Variants in ANO2 observed in about 807,000 individuals in gnomAD.
The protein encoded by ANO2 is anoctamin-2.
Under a neutral mutation model 124.2 loss-of-function variants are expected in ANO2, and 101 were observed. The observed-to-expected ratio is 0.81, with a 90% confidence interval of 0.69 to 0.96. The LOEUF is 0.96. ANO2 is among the 40% of genes least tolerant of loss of function. ANO2 has a pLI of 0.00. For missense variants in ANO2, 1,293 were observed against 1,274.5 expected, an observed-to-expected ratio of 1.01 and a Z score of -0.22; for synonymous variants, 486 against 482.5, an observed-to-expected ratio of 1.01 and a Z score of -0.09.
chr12:5,623,735 G>A (rs1479656776), intron 16 of ANO2, among the ~76,000 whole-genome samples: 1 of 152,172 alleles, frequency 6.6e-6, no homozygotes, highest in Admixed American at 6.5e-5. Context: ...AATGCATAAC[G>A]ATGGCAGCAA....
intron 1 of ANO2, among the ~76,000 whole-genome samples, chr12:5,937,141 T>C (rs1942682908): frequency 6.6e-6 from 1 of 152,154 alleles, no homozygotes; most frequent in Non-Finnish European, 1.5e-5. Flanking sequence ...CTTCAAACTG[T>C]TTTCCACAAT....
chr12:5,643,087 C>CAA (rs1555114332), intron 15 of ANO2, among the ~76,000 whole-genome samples: 2 of 151,314 alleles, frequency 1.3e-5, no homozygotes, highest in Non-Finnish European at 2.9e-5. Context: ...CACACACACA[C>CAA]AATGAATAAA....
chr12:5,707,669 C>T (rs200147330), intron 14 of ANO2, among the ~76,000 whole-genome samples: 1 of 152,186 alleles, frequency 6.6e-6, no homozygotes, highest in East Asian at 1.9e-4. Context: ...GAACATCAAT[C>T]CAATTCTCCA....
At chr12:5,606,195 T>A (rs74548667) in intron 19 of ANO2, among the ~76,000 whole-genome samples, 2,201 of 152,248 alleles carry the variant, frequency 0.014, 57 homozygotes, top group African/African-American at 0.049. Flanking sequence ...AGTGGTCCTG[T>A]CTGGGGCACC....
intron 4 of ANO2, among the ~76,000 whole-genome samples, chr12:5,839,775 G>T (rs569502112): frequency 6.6e-6 from 1 of 152,172 alleles, no homozygotes; most frequent in East Asian, 1.9e-4. Context: ...TGCCAGGTAG[G>T]ATTAGCATCT....
At chr12:5,637,458 T>C (rs1470065546) in intron 15 of ANO2, among the ~76,000 whole-genome samples, 1 of 151,820 alleles carries the variant, frequency 6.6e-6, no homozygotes, top group African/African-American at 2.4e-5. Context: ...GGGAGGGACA[T>C]GAAGGAAGAC....
At chr12:5,746,465 G>A (rs980166299) in intron 11 of ANO2, among the ~76,000 whole-genome samples, 5 of 152,182 alleles carry the variant, frequency 3.3e-5, no homozygotes, top group Non-Finnish European at 7.3e-5. Flanking sequence ...TTTTGTGAGA[G>A]AGGCTGCCTC....
At chr12:5,884,118 G>T (rs1938713021) in intron 3 of ANO2, among the ~76,000 whole-genome samples, 1 of 152,134 alleles carries the variant, frequency 6.6e-6, no homozygotes, top group Admixed American at 6.5e-5. Context: ...ACATTATATG[G>T]CCCCATTATA....
chr12:5,852,848 C>CGTACGT (rs1555173622), intron 4 of ANO2, among the ~76,000 whole-genome samples: 1 of 123,880 alleles, frequency 8.1e-6, no homozygotes, highest in Non-Finnish European at 1.7e-5. Context: ...TGGAAAGGGA[C>CGTACGT]GTGTGTGTGT....
chr12:5,643,431 A>G (rs574697562), intron 15 of ANO2, among the ~76,000 whole-genome samples: 4 of 152,278 alleles, frequency 2.6e-5, no homozygotes, highest in African/African-American at 9.6e-5. Flanking sequence ...ATATGCCTCA[A>G]TTTATGTATC....
chr12:5,662,358 C>G (rs1430396148), intron 14 of ANO2, among the ~76,000 whole-genome samples: 1 of 152,068 alleles, frequency 6.6e-6, no homozygotes, highest in Non-Finnish European at 1.5e-5. Flanking sequence ...CCATTCAAAG[C>G]AGAGGTGCCA....
At chr12:5,626,358 A>G (rs1591766068) in intron 16 of ANO2, among the ~76,000 whole-genome samples, 1 of 151,984 alleles carries the variant, frequency 6.6e-6, no homozygotes, top group African/African-American at 2.4e-5. Flanking sequence ...GAAACAGGAA[A>G]CCCTGACAGC....
intron 3 of ANO2, among the ~76,000 whole-genome samples, chr12:5,887,724 T>C (rs1212647728): frequency 6.6e-6 from 1 of 152,244 alleles, no homozygotes; most frequent in African/African-American, 2.4e-5. Flanking sequence ...AACTCTTTTT[T>C]TGAGCACTTG....
intron 10 of ANO2, among the ~76,000 whole-genome samples, chr12:5,785,857 C>T (rs1952524954): frequency 6.6e-6 from 1 of 152,164 alleles, no homozygotes; most frequent in Non-Finnish European, 1.5e-5. Flanking sequence ...GGCCAGCAGC[C>T]CCTGAGATGC....
intron 2 of ANO2, 31 bp downstream of exon 2, chr12:5,922,589 T>TGCC: frequency 2.7e-4 from 389 of 1,449,462 alleles, no homozygotes; most frequent in African/African-American, 1.4e-3. Flanking sequence ...GGCTGGCCTA[T>TGCC]CCCCCCACCC....
intron 19 of ANO2, among the ~76,000 whole-genome samples, chr12:5,609,980 T>C (rs1944406474): frequency 1.4e-5 from 2 of 142,752 alleles, no homozygotes; most frequent in Non-Finnish European, 3.0e-5. Context: ...TATAAATATA[T>C]GCATTTATAT....
chr12:5,829,647 G>T (rs545342137), intron 6 of ANO2, among the ~76,000 whole-genome samples: 66 of 152,200 alleles, frequency 4.3e-4, no homozygotes, highest in Non-Finnish European at 5.3e-4. Flanking sequence ...GTGGGCATGT[G>T]TAAGTTTCTG....
At chr12:5,770,731 T>C (rs992518527) in intron 10 of ANO2, among the ~76,000 whole-genome samples, 3 of 152,230 alleles carry the variant, frequency 2.0e-5, no homozygotes, top group Non-Finnish European at 4.4e-5. Flanking sequence ...GATGATTTTC[T>C]GACTTTATAT....
intron 3 of ANO2, among the ~76,000 whole-genome samples, chr12:5,867,728 T>C (rs868166482): frequency 7.0e-6 from 1 of 142,986 alleles, no homozygotes; most frequent in African/African-American, 2.6e-5. Flanking sequence ...ATCTTGGATG[T>C]GATGTTGATA....
Sources: gnomAD v4.1 joint callset for allele counts (sites outside exome capture counted in the v4.1 genomes callset) on GRCh38, gnomAD v4.1.1 for gene constraint, MANE v1.5 for transcripts, NCBI Gene and HGNC (gene_info 2026-07-23, HGNC 2026-07-21) for gene names.